The following SEL1L variants were observed in gnomAD, a reference collection of about 807,000 sequenced individuals.
The protein encoded by SEL1L is SEL1L adaptor subunit of SYVN1 ubiquitin ligase.
A neutral mutation model predicts 109.8 loss-of-function variants in SEL1L; 52 were observed. The observed-to-expected ratio is 0.47, with a 90% CI of 0.38 to 0.60. The LOEUF is 0.60. Among genes scored for constraint, SEL1L ranks in the 20% least tolerant of loss-of-function variants. The pLI, the probability that SEL1L is intolerant of heterozygous loss-of-function variation, is 0.00. For synonymous variants in SEL1L, 373 were observed against 339.6 expected (o/e 1.10, Z -1.08); for missense variants, 749 against 962.2 (o/e 0.78, Z 2.93).
At chr14:81,501,884 GA>G (rs1884024817) in intron 6 of SEL1L, among the ~76,000 whole-genome samples, 1 of 151,792 alleles carries the variant, frequency 6.6e-6, no homozygotes, top group Admixed American at 6.6e-5. Flanking sequence ...CTATTGACAG[GA>G]AATACAGGTG....
Position 81,506,195 on chromosome 14 carries a change from G to A in SEL1L, c.387C>T (p.Phe129=). 6.2e-7 allele frequency: 1 copy of A among 1,613,276 alleles called. No homozygotes were observed. ...EGTAHGEPCH[F]PFLFLDKEYD... ...ACTCCTTATCTAGGAAAAGAAAAGG[G>A]AAGTGGCAGGGCTCCCCATGTGCTG... The change falls in exon 4 of 21, where the codon TTC becomes TTT. Residue 129 remains phenylalanine (F), a synonymous_variant. Transcript: ENST00000336735.
chr14:81,502,868 G>A lies in SEL1L; in HGVS notation c.630C>T (p.Leu210=). 6.2e-7 allele frequency: 1 copy of A among 1,611,042 alleles called. No individual in the cohort carries two copies. Among genetic ancestry groups the A allele is most frequent in the Non-Finnish European group, 8.5e-7 (1 of 1,178,476 alleles). ...TATGGTTCATGCTTGCTGCCTTTTG[G>A]AGATACCGATATGCTCTTCAAATGT... ...KSQKREAYRY[L]QKAASMNHTK... is the part of the protein sequence containing the mutation. The change falls in exon 6 of 21, where the codon CTC becomes CTT. Residue 210 remains leucine (L), a synonymous_variant. Coordinates refer to ENST00000336735, the MANE Select transcript of SEL1L (RefSeq NM_005065.6).
At chr14:81,497,559 T>G (rs1007610179) in intron 10 of SEL1L, among the ~76,000 whole-genome samples, 1 of 152,210 alleles carries the variant, frequency 6.6e-6, no homozygotes, top group Non-Finnish European at 1.5e-5. Flanking sequence ...GTTTTCATCA[T>G]TGGTGACTCC....
intron 2 of SEL1L, 69 bp downstream of exon 2, chr14:81,527,628 CCTTT>C (rs1885163917): frequency 1.8e-6 from 2 of 1,106,682 alleles, no homozygotes; most frequent in South Asian, 1.7e-5. Context: ...GACCTCATAT[CCTTT>C]CTAAGATACA....
chr14:81,507,625 T>A (rs1245975860), intron 3 of SEL1L, among the ~76,000 whole-genome samples: 5 of 138,014 alleles, frequency 3.6e-5, no homozygotes, highest in East Asian at 2.2e-4. Flanking sequence ...AAACAAAAAA[T>A]AAGTGAAAAT....
chr14:81,496,218 G>A (rs2140007016), intron 10 of SEL1L, among the ~76,000 whole-genome samples: 1 of 152,170 alleles, frequency 6.6e-6, no homozygotes, highest in South Asian at 2.1e-4. Context: ...CAGCTACTCG[G>A]GAGGCTGAGG....
intron 3 of SEL1L, among the ~76,000 whole-genome samples, chr14:81,525,205 G>A (rs1286047853): frequency 6.6e-6 from 1 of 152,110 alleles, no homozygotes; most frequent in Non-Finnish European, 1.5e-5. Context: ...TTGAAGCTGA[G>A]TGAGGGTTGG....
At chr14:81,508,512 T>G (rs1884332367) in intron 3 of SEL1L, among the ~76,000 whole-genome samples, 3 of 151,934 alleles carry the variant, frequency 2.0e-5, no homozygotes. Context: ...TTTGGGAGGC[T>G]GAGGTGGGCA....
chr14:81,486,822 T>TA (rs1400863152), intron 16 of SEL1L, among the ~76,000 whole-genome samples: 2 of 152,152 alleles, frequency 1.3e-5, no homozygotes, highest in African/African-American at 4.8e-5. Flanking sequence ...GTGAGTAAAC[T>TA]AAAGCACAGA....
At chr14:81,532,805 T>C (rs1885381995) in intron 1 of SEL1L, among the ~76,000 whole-genome samples, 2 of 152,198 alleles carry the variant, frequency 1.3e-5, no homozygotes, top group African/African-American at 4.8e-5. Flanking sequence ...ACAGAACACC[T>C]GTCCTGTTAA....
rs80003496 is a variant in SEL1L, at chr14:81,492,464, A to G, written c.1254+16T>C. The G allele has an allele frequency of 5.9e-5, 94 of 1,589,226 alleles. No homozygotes were observed. The East Asian group carries it at 1.0e-3, about 17-fold the overall frequency. On this transcript the variant is annotated intron_variant, in intron 12 of 20. Transcript: ENST00000336735. ...CCTCTTGCTATTACATAAAACATTC[A>G]CAGGATGTACAGTACCTTTCCCAAA...
intron 3 of SEL1L, among the ~76,000 whole-genome samples, chr14:81,512,920 T>A (rs954988658): frequency 6.6e-6 from 1 of 152,242 alleles, no homozygotes; most frequent in African/African-American, 2.4e-5. Context: ...CCGCTTATCA[T>A]GTGGCCCTCG....
At chr14:81,533,628 G>A (rs1165213191) in intron 1 of SEL1L, 47 bp downstream of exon 1, 10 of 1,578,792 alleles carry the variant, frequency 6.3e-6, no homozygotes, top group South Asian at 3.4e-5. Flanking sequence ...TGTAGAGGCT[G>A]GGGGGCGGAG....
intron 11 of SEL1L, 38 bp downstream of exon 11, chr14:81,495,043 A>C (rs1883687622): frequency 6.3e-7 from 1 of 1,591,972 alleles, no homozygotes; most frequent in Non-Finnish European, 8.6e-7. Flanking sequence ...ATTTCCTGCT[A>C]AAACTGAGAT....
intron 3 of SEL1L, among the ~76,000 whole-genome samples, chr14:81,522,445 G>A (rs1289558063): frequency 2.6e-5 from 4 of 152,152 alleles, no homozygotes; most frequent in Non-Finnish European, 4.4e-5. Flanking sequence ...TGTTTAGATA[G>A]GTTTAGATAT....
intron 3 of SEL1L, among the ~76,000 whole-genome samples, chr14:81,511,581 A>C (rs1884477423): frequency 6.6e-6 from 1 of 152,204 alleles, no homozygotes; most frequent in Admixed American, 6.5e-5. Context: ...CCAAAGAAAC[A>C]ATAACAAAAA....
intron 3 of SEL1L, among the ~76,000 whole-genome samples, chr14:81,521,652 A>G (rs371901915): frequency 3.5e-4 from 53 of 152,312 alleles, no homozygotes; most frequent in East Asian, 3.5e-3. Context: ...GAATAAACCT[A>G]CTGCACTTCC....
In SEL1L at chr14:81,510,514, C is replaced by CTATATATATA. The variant is rs1555346599; in HGVS notation, c.341-4283_341-4274dup. 6.3e-3 allele frequency among the ~76,000 whole-genome samples: 656 copies of CTATATATATA among 104,006 alleles called. 9 individuals are homozygous for CTATATATATA. Among genetic ancestry groups the CTATATATATA allele is most frequent in the African/African-American group, 0.011 (310 of 29,250 alleles). 68.2% of individuals were successfully genotyped at this position (104,006 alleles called of 152,430 possible). ...TCTCTCTCTCTCTCTCTCTCTCTCTCTATATATATATATATAGACAATTAA... is the reference window on the plus strand; with the variant it reads ...TCTCTCTCTCTCTCTCTCTCTCTCTCTATATATATATATATATATATATATAGACAATTAA... On this transcript the variant is annotated intron_variant, in intron 3 of 20. Coordinates refer to ENST00000336735, the MANE Select transcript of SEL1L (RefSeq NM_005065.6).
At chr14:81,531,752 A>C (rs1885332642) in intron 1 of SEL1L, among the ~76,000 whole-genome samples, 2 of 152,128 alleles carry the variant, frequency 1.3e-5, no homozygotes, top group East Asian at 3.9e-4. Context: ...CATGTTGCCC[A>C]GGTTGGTCTT....
Sources: allele counts gnomAD v4.1 joint callset (sites outside exome capture counted in the v4.1 genomes callset), GRCh38; gene constraint gnomAD v4.1.1; transcripts MANE v1.5; gene names NCBI Gene and HGNC (gene_info 2026-07-23, HGNC 2026-07-21).